SGSM1: variants seen among roughly 807,000 people sequenced by gnomAD.
SGSM1 encodes the protein RUN and TBC1 domain containing 2.
A neutral mutation model predicts 133.8 loss-of-function variants in SGSM1; 73 were observed. The observed-to-expected ratio is 0.55, with a 90% CI of 0.45 to 0.66. SGSM1 has a LOEUF of 0.66. Ranked by LOEUF, SGSM1 falls within the 30% of genes least tolerant of loss-of-function variation. SGSM1 has a pLI of 0.00. For missense variants in SGSM1, 1,213 were observed against 1,448.1 expected (o/e 0.84, Z 2.64); for synonymous variants, 563 against 573.0 (o/e 0.98, Z 0.25).
chr22:24,837,668 G>A (rs1007077463), intron 2 of SGSM1, among the ~76,000 whole-genome samples: 6 of 149,304 alleles, frequency 4.0e-5, no homozygotes, highest in East Asian at 4.0e-4. Flanking sequence ...GCCTGGTAAC[G>A]GGCGTCTTCC....
chr22:24,868,724 G>T lies in SGSM1; in HGVS notation c.1160G>T (p.Gly387Val). The T allele has an allele frequency of 6.2e-7, 1 of 1,613,770 alleles. No homozygotes were observed. Among genetic ancestry groups the T allele is most frequent in the Non-Finnish European group, 8.5e-7 (1 of 1,179,770 alleles). The change falls in exon 12 of 25, where the codon GGC becomes GTC. Residue 387 changes from glycine (G) to valine (V), a missense_variant and splice_region_variant. By Grantham distance (109) the Gly-to-Val change is moderately radical (BLOSUM62 -3). Transcript: ENST00000400358. ...DPPLWSQRGK[G>V]KVFPKLRKRS... ...TTGTTTTGGGACATGTTTTTGCAGG[G>T]CAAAGTGTTTCCTAAACTGCGCAAG...
intron 2 of SGSM1, among the ~76,000 whole-genome samples, chr22:24,841,059 C>T (rs1160608642): frequency 7.9e-5 from 12 of 151,912 alleles, no homozygotes; most frequent in Non-Finnish European, 1.6e-4. Flanking sequence ...ACCGTGTTAG[C>T]CAAGATGGTC....
chr22:24,851,472 G>GAGAA (rs1178102591), intron 5 of SGSM1, among the ~76,000 whole-genome samples: 1 of 145,112 alleles, frequency 6.9e-6, no homozygotes, highest in Non-Finnish European at 1.5e-5. Flanking sequence ...GAGAGAGAGA[G>GAGAA]AGAGAGAGAG....
In SGSM1 at chr22:24,890,788, C is replaced by G. The variant is rs527289302; in HGVS notation, c.1771-2643C>G. Among the ~76,000 whole-genome samples, 577 of 152,200 alleles carry G rather than the reference C, an allele frequency of 3.8e-3. 4 individuals are homozygous for G. The highest frequency in any genetic ancestry group is 0.013 in the African/African-American group (554 of 41,526). ...TGAACTTCTGACTTTGTGATCTGCC[C>G]GCCTCGGACTCCCAAAGTCCTGGGA... On this transcript the variant is annotated intron_variant, in intron 16 of 24. Coordinates refer to ENST00000400358, the MANE Select transcript of SGSM1 (RefSeq NM_001098497.3).
chr22:24,842,740 A>AT (rs1368210217), intron 2 of SGSM1, among the ~76,000 whole-genome samples: 3 of 152,182 alleles, frequency 2.0e-5, no homozygotes, highest in Non-Finnish European at 4.4e-5. Context: ...CAGGGCCAAA[A>AT]TAACGGTGAT....
chr22:24,876,525 C>A, intron 12 of SGSM1, 52 bp from the exon 13 acceptor site: 1 of 1,607,802 alleles, frequency 6.2e-7, no homozygotes, highest in Non-Finnish European at 8.5e-7. Flanking sequence ...TTCTGTGACC[C>A]ACATAGGTTT....
intron 22 of SGSM1, among the ~76,000 whole-genome samples, chr22:24,914,055 T>C (rs4572702): frequency 0.42 from 62,747 of 148,148 alleles, 13,511 homozygotes; most frequent in East Asian, 0.7. Context: ...CTTTGGGAGG[T>C]TGAGGCGGGC....
intron 2 of SGSM1, among the ~76,000 whole-genome samples, chr22:24,809,339 C>A (rs1372218228): frequency 6.6e-6 from 1 of 152,240 alleles, no homozygotes; most frequent in Non-Finnish European, 1.5e-5. Context: ...CAGCCTCACC[C>A]AGAGACTGCA....
chr22:24,903,619 T>A (rs1276272340), intron 20 of SGSM1, among the ~76,000 whole-genome samples: 1 of 152,184 alleles, frequency 6.6e-6, no homozygotes, highest in Admixed American at 6.5e-5. Context: ...CCTCCCTGGT[T>A]AAGGCATAGG....
At chr22:24,885,196 A>G (rs1932533843) in intron 15 of SGSM1, among the ~76,000 whole-genome samples, 1 of 152,054 alleles carries the variant, frequency 6.6e-6, no homozygotes, top group African/African-American at 2.4e-5. Flanking sequence ...CAGCCTCCCA[A>G]AGTGCTGGGA....
At chr22:24,831,185 G>A (rs1475394411) in intron 2 of SGSM1, among the ~76,000 whole-genome samples, 1 of 151,682 alleles carries the variant, frequency 6.6e-6, no homozygotes, top group Non-Finnish European at 1.5e-5. Context: ...ACCAGGAGGT[G>A]GAGCGCAGGT....
At chr22:24,910,612 A>T (rs1453269059) in intron 21 of SGSM1, among the ~76,000 whole-genome samples, 1 of 152,144 alleles carries the variant, frequency 6.6e-6, no homozygotes, top group Non-Finnish European at 1.5e-5. Context: ...ATGCCACTGC[A>T]TTCCAAGCCT....
chr22:24,846,033 C>T (rs1450632754), intron 3 of SGSM1, among the ~76,000 whole-genome samples: 1 of 120,990 alleles, frequency 8.3e-6, no homozygotes, highest in Non-Finnish European at 1.6e-5. Flanking sequence ...CTCTTTCTCT[C>T]TTTCTTTCTT....
intron 16 of SGSM1, among the ~76,000 whole-genome samples, chr22:24,888,850 C>T (rs377550276): frequency 1.3e-5 from 2 of 151,576 alleles, no homozygotes; most frequent in Non-Finnish European, 2.9e-5. Context: ...TCTTCTGTTC[C>T]GGTGATCTAT....
chr22:24,862,474 T>C (rs1931212245), intron 9 of SGSM1, among the ~76,000 whole-genome samples: 1 of 152,162 alleles, frequency 6.6e-6, no homozygotes, highest in South Asian at 2.1e-4. Context: ...CCTCGAGAGC[T>C]CAGTGCCTTA....
chr22:24,809,584 G>A (rs900962478), intron 2 of SGSM1, among the ~76,000 whole-genome samples: 6 of 152,166 alleles, frequency 3.9e-5, no homozygotes, highest in Non-Finnish European at 5.9e-5. Flanking sequence ...GCACCCATGA[G>A]GCAGGTCAAG....
intron 2 of SGSM1, among the ~76,000 whole-genome samples, chr22:24,826,943 A>C (rs1220799444): frequency 1.3e-5 from 2 of 152,178 alleles, no homozygotes; most frequent in Non-Finnish European, 2.9e-5. Context: ...TCACCCAGCA[A>C]ATGGCAGAGC....
Position 24,927,162 on chromosome 22 carries a change from G to A in SGSM1, c.*2888G>A, listed in dbSNP as rs1310316133. The A allele has an allele frequency of 6.6e-6, 1 of 152,198 alleles. No homozygotes were observed. The highest frequency in any genetic ancestry group is 2.4e-5 in the African/African-American group (1 of 41,450). 9.4% of individuals were successfully genotyped at this position (152,198 alleles called of 1,614,324 possible). A position where few individuals can be genotyped will look rare whatever the true frequency, so the allele number is the denominator to read the frequency against. The stretch of plus-strand genomic sequence containing the variant: ...TTCTTCTGTTCTCAGACTTCTTCAT[G>A]TGTCTGTGGTCAGCTGATGTCCAGA... On this transcript the variant is annotated 3_prime_UTR_variant, in exon 25 of 25. Transcript: ENST00000400358.
chr22:24,922,134 C>G (rs943788159), intron 24 of SGSM1, among the ~76,000 whole-genome samples: 2 of 149,168 alleles, frequency 1.3e-5, no homozygotes, highest in African/African-American at 4.9e-5. Flanking sequence ...GACACCACCT[C>G]TTTTGTTTTC....
Sources: allele counts gnomAD v4.1 joint callset (sites outside exome capture counted in the v4.1 genomes callset), GRCh38; gene constraint gnomAD v4.1.1; transcripts MANE v1.5; gene names NCBI Gene and HGNC (gene_info 2026-07-23, HGNC 2026-07-21).